Variants in ARID4B observed in about 807,000 individuals in gnomAD.
The protein encoded by ARID4B is AT-rich interaction domain 4B.
ARID4B carries 26 observed loss-of-function variants against 147.5 expected under a neutral mutation model. The ratio of observed to expected loss-of-function variants is 0.18; its 90% CI spans 0.13 to 0.24. The LOEUF (loss-of-function observed/expected upper bound fraction) is 0.24, where lower values mean the gene tolerates loss of function less well. Among genes scored for constraint, ARID4B ranks in the 10% least tolerant of loss-of-function variants. ARID4B has a pLI of 1.00. For missense variants in ARID4B, 1,179 were observed against 1,511.5 expected, an observed-to-expected ratio of 0.78 and a Z score of 3.65; for synonymous variants, 512 against 507.9, an observed-to-expected ratio of 1.01 and a Z score of -0.11.
At chr1:235,241,225 G>A (rs1365934285) in intron 7 of ARID4B, among the ~76,000 whole-genome samples, 1 of 152,164 alleles carries the variant, frequency 6.6e-6, no homozygotes, top group Admixed American at 6.5e-5. Flanking sequence ...CCCAGAATGA[G>A]TAAAGACTAG....
At chr1:235,239,372 T>A (rs961379312) in intron 8 of ARID4B, among the ~76,000 whole-genome samples, 2 of 152,178 alleles carry the variant, frequency 1.3e-5, no homozygotes, top group Non-Finnish European at 2.9e-5. Context: ...CAGAAAAAAA[T>A]GCATTCTTAT....
At chr1:235,227,830 A>ATTTTT (rs1166758894) in intron 11 of ARID4B, among the ~76,000 whole-genome samples, 19 of 125,314 alleles carry the variant, frequency 1.5e-4, no homozygotes, top group African/African-American at 6.0e-4. Flanking sequence ...CTTTTCTGCT[A>ATTTTT]TTTTTTTTTT....
chr1:235,307,232 C>A (rs1572205928), intron 2 of ARID4B, among the ~76,000 whole-genome samples: 1 of 152,186 alleles, frequency 6.6e-6, no homozygotes, highest in African/African-American at 2.4e-5. Context: ...TCACTTGAGG[C>A]CAGGAGTTCA....
chr1:235,206,702 T>C (rs1410021932), intron 17 of ARID4B, among the ~76,000 whole-genome samples: 1 of 152,152 alleles, frequency 6.6e-6, no homozygotes, highest in Non-Finnish European at 1.5e-5. Flanking sequence ...ATAAGGTACG[T>C]AAGAGGGCAA....
At chr1:235,294,457 CTTGAA>C (rs1672553743) in intron 2 of ARID4B, among the ~76,000 whole-genome samples, 1 of 89,566 alleles carries the variant, frequency 1.1e-5, no homozygotes, top group Non-Finnish European at 2.2e-5. Flanking sequence ...AATTCTCCCG[CTTGAA>C]CCCAGGGGTT....
At chr1:235,274,242 G>A (rs1175264160) in intron 2 of ARID4B, among the ~76,000 whole-genome samples, 2 of 151,962 alleles carry the variant, frequency 1.3e-5, no homozygotes, top group African/African-American at 4.8e-5. Context: ...TTAGCTGGGC[G>A]TGGTGGTGGC....
At chr1:235,288,359 T>A (rs555241222) in intron 2 of ARID4B, among the ~76,000 whole-genome samples, 2 of 152,226 alleles carry the variant, frequency 1.3e-5, no homozygotes, top group East Asian at 3.9e-4. Flanking sequence ...CCATTAATAA[T>A]CACTATTCTC....
At chr1:235,223,529 AT>A (rs1667636479) in intron 12 of ARID4B, among the ~76,000 whole-genome samples, 1 of 150,196 alleles carries the variant, frequency 6.7e-6, no homozygotes, top group African/African-American at 2.4e-5. Flanking sequence ...CCATAACCAG[AT>A]TCTTGAAACC....
In ARID4B at chr1:235,257,589, C is replaced by T. The variant is rs377563365; in HGVS notation, c.118-364G>A. 3.8e-3 allele frequency among the ~76,000 whole-genome samples: 583 copies of T among 151,930 alleles called. 5 individuals are homozygous for T. The highest frequency in any genetic ancestry group is 0.013 in the African/African-American group (558 of 41,392). Reference sequence around the variant, plus strand: ...CCTCCACCTCAGGGTTCAAGTGATTCTCCTGCCTCAGTCTTTCAAGTAGTT... The same window carrying T: ...CCTCCACCTCAGGGTTCAAGTGATTTTCCTGCCTCAGTCTTTCAAGTAGTT... On this transcript the variant is annotated intron_variant, in intron 3 of 23. Transcript: ENST00000264183.
chr1:235,324,852 AG>A (rs1453649068), intron 2 of ARID4B, among the ~76,000 whole-genome samples: 1 of 152,210 alleles, frequency 6.6e-6, no homozygotes, highest in African/African-American at 2.4e-5. Flanking sequence ...ATTTGAGCCC[AG>A]GAGGCAGCAG....
Position 235,326,953 on chromosome 1 carries a change from C to G in ARID4B, c.-34G>C. On this transcript the variant is annotated 5_prime_UTR_variant, in exon 2 of 24. Transcript: ENST00000264183. ...TGGGACCAAGGTATCCTCTAAAACA[C>G]CAGGTTCAGCTGCACCTGGAGGGGA... 6.2e-7 allele frequency: 1 copy of G among 1,612,910 alleles called. No individual in the cohort carries two copies. Among genetic ancestry groups the G allele is most frequent in the Non-Finnish European group, 8.5e-7 (1 of 1,179,050 alleles).
At chr1:235,169,654 GCCT>G (rs1231524023) in intron 23 of ARID4B, among the ~76,000 whole-genome samples, 3 of 150,760 alleles carry the variant, frequency 2.0e-5, no homozygotes, top group East Asian at 1.9e-4. Context: ...TCCTGCCTCA[GCCT>G]CCTTTTTTTT....
chr1:235,317,231 A>T (rs559622408), intron 2 of ARID4B, among the ~76,000 whole-genome samples: 2 of 152,342 alleles, frequency 1.3e-5, no homozygotes, highest in East Asian at 3.8e-4. Context: ...ATATAGAAAC[A>T]ACTCTTCCTA....
intron 2 of ARID4B, among the ~76,000 whole-genome samples, chr1:235,293,259 CCT>C (rs1672458488): frequency 2.0e-5 from 3 of 152,128 alleles, no homozygotes; most frequent in South Asian, 4.1e-4. Context: ...TTCCACTTTT[CCT>C]CTCTTATTTT....
rs1558233428 is a variant in ARID4B at position 235,236,836 on chromosome 1, ATATATAT to A, written c.586-2351_586-2345del. ...CCCACAAAACGGTTTTATAAAAAATATATATATATATATATATATATATATATTTTTT... is the reference window on the plus strand; with the variant it reads ...CCCACAAAACGGTTTTATAAAAAATAATATATATATATATATATATTTTTT... On this transcript the variant is annotated intron_variant, in intron 8 of 23. Transcript: ENST00000264183. Among the ~76,000 whole-genome samples, 13 of 24,786 alleles carry A rather than the reference ATATATAT, an allele frequency of 5.2e-4. No homozygotes were observed. The East Asian group carries it at 0.016, about 31-fold the overall frequency. The allele number at this position is 24,786 out of a possible 152,430, so 16.3% of individuals were successfully genotyped here.
intron 19 of ARID4B, among the ~76,000 whole-genome samples, chr1:235,183,520 T>A (rs1275589178): frequency 6.6e-6 from 1 of 152,034 alleles, no homozygotes; most frequent in East Asian, 1.9e-4. Context: ...AAGTTTATAC[T>A]CTTATGAAAC....
chr1:235,172,752 T>G lies in ARID4B; in HGVS notation c.3677A>C (p.Asn1226Thr). Residue 1226 changes from asparagine (N) to threonine (T), a missense_variant, in exon 23 of 24, where the codon AAT becomes ACT. Coordinates refer to ENST00000264183, the MANE Select transcript of ARID4B (RefSeq NM_016374.6). ...KWSFQMSDLE[N>T]MTSAERITIL... ...TGTGATGCGTTCGGCACTTGTCATA[T>G]TTTCCAGGTCCGCTATAAATTTAAA... is the stretch of plus-strand genomic sequence containing the variant. 6.4e-7 allele frequency: 1 copy of G among 1,556,066 alleles called. No homozygotes were observed. The highest frequency in any genetic ancestry group is 8.6e-7 in the Non-Finnish European group (1 of 1,158,728).
chr1:235,289,049 C>T (rs772467654), intron 2 of ARID4B, among the ~76,000 whole-genome samples: 1 of 152,180 alleles, frequency 6.6e-6, no homozygotes, highest in Non-Finnish European at 1.5e-5. Context: ...ACCCTGGCCC[C>T]AGGAATAAAT....
At chr1:235,233,087 T>C (rs1668343878) in intron 9 of ARID4B, among the ~76,000 whole-genome samples, 1 of 152,140 alleles carries the variant, frequency 6.6e-6, no homozygotes. Flanking sequence ...CCCACCTGCC[T>C]AGGCCTCCCA....
Sources: gnomAD v4.1 joint callset for allele counts (sites outside exome capture counted in the v4.1 genomes callset) on GRCh38, gnomAD v4.1.1 for gene constraint, MANE v1.5 for transcripts, NCBI Gene and HGNC (gene_info 2026-07-23, HGNC 2026-07-21) for gene names.